NRG3: variants seen among roughly 807,000 people sequenced by gnomAD.
The protein encoded by NRG3 is pro-neuregulin-3, membrane-bound isoform.
NRG3 carries 31 observed loss-of-function variants against 66.9 expected under a neutral mutation model. That is an observed-to-expected ratio of 0.46 (90% CI 0.35 to 0.63). NRG3 has a LOEUF of 0.63. Among genes scored for constraint, NRG3 ranks in the 20% least tolerant of loss-of-function variants. NRG3 has a pLI of 0.00. For missense variants in NRG3, 910 were observed against 878.9 expected (o/e 1.04, Z -0.45); for synonymous variants, 393 against 359.4 (o/e 1.09, Z -1.06).
At chr10:82,108,042 A>T (rs891908559) in intron 1 of NRG3, among the ~76,000 whole-genome samples, 2 of 152,194 alleles carry the variant, frequency 1.3e-5, no homozygotes, top group African/African-American at 4.8e-5. Flanking sequence ...TTTTCTGTGC[A>T]TGGGCTTCCT....
chr10:82,101,639 A>G (rs889420076), intron 1 of NRG3, among the ~76,000 whole-genome samples: 1 of 151,796 alleles, frequency 6.6e-6, no homozygotes, highest in Admixed American at 6.6e-5. Flanking sequence ...GGAATCACCA[A>G]TGATTTTTAT....
At chr10:82,024,942 T>C (rs1209476247) in intron 1 of NRG3, among the ~76,000 whole-genome samples, 1 of 152,068 alleles carries the variant, frequency 6.6e-6, no homozygotes, top group Non-Finnish European at 1.5e-5. Flanking sequence ...GGAGCTTCCT[T>C]GATCAGCCTG....
intron 2 of NRG3, among the ~76,000 whole-genome samples, chr10:82,431,038 C>T (rs1355791773): frequency 2.0e-5 from 3 of 152,098 alleles, no homozygotes; most frequent in Non-Finnish European, 4.4e-5. Context: ...TTCAAAGTTC[C>T]TTATTTTCCT....
intron 1 of NRG3, among the ~76,000 whole-genome samples, chr10:82,258,028 T>C (rs1415887014): frequency 6.6e-6 from 1 of 152,178 alleles, no homozygotes; most frequent in African/African-American, 2.4e-5. Flanking sequence ...TCCCCATTTA[T>C]TTCCCAGATA....
At chr10:82,216,573 G>T (rs115281514) in intron 1 of NRG3, among the ~76,000 whole-genome samples, 8,085 of 119,160 alleles carry the variant, frequency 0.068, 265 homozygotes, top group African/African-American at 0.12. Context: ...TATATATCTG[G>T]GTGTGTGTGT....
intron 4 of NRG3, among the ~76,000 whole-genome samples, chr10:82,894,506 A>C (rs577525594): frequency 6.6e-6 from 1 of 152,284 alleles, no homozygotes; most frequent in South Asian, 2.1e-4. Flanking sequence ...TGTCATCCGT[A>C]ATACCAATTT....
intron 4 of NRG3, among the ~76,000 whole-genome samples, chr10:82,884,902 T>C (rs1842605096): frequency 6.6e-6 from 1 of 152,200 alleles, no homozygotes; most frequent in Non-Finnish European, 1.5e-5. Flanking sequence ...CAAAAAATAT[T>C]GATTCTGTCT....
rs922174810 is a variant in NRG3 at position 82,336,644 on chromosome 10, T to C, written c.824-22095T>C. The stretch of plus-strand genomic sequence containing the variant: ...TTCAAGCGATTCTCCTGCCTCAGCC[T>C]CCCAAGTAGCTGGGATTACAGGTGC... On this transcript the variant is annotated intron_variant, in intron 1 of 8. Transcript: ENST00000372141. Among the ~76,000 whole-genome samples, 5 of 151,654 alleles carry C rather than the reference T, an allele frequency of 3.3e-5. No homozygotes were observed. The South Asian group carries it at 1.1e-3, about 32-fold the overall frequency.
At chr10:82,199,598 T>TA (rs2074660712) in intron 1 of NRG3, among the ~76,000 whole-genome samples, 1 of 152,246 alleles carries the variant, frequency 6.6e-6, no homozygotes, top group Admixed American at 6.5e-5. Flanking sequence ...GCAGTTTATG[T>TA]AAAACGTTGA....
At chr10:81,903,019 G>C (rs1189385531) in intron 1 of NRG3, among the ~76,000 whole-genome samples, 1 of 152,058 alleles carries the variant, frequency 6.6e-6, no homozygotes, top group Non-Finnish European at 1.5e-5. Context: ...AAGGAAACCT[G>C]AAGTGAACGA....
chr10:82,278,514 A>T (rs2078969697), intron 1 of NRG3, among the ~76,000 whole-genome samples: 1 of 152,102 alleles, frequency 6.6e-6, no homozygotes. Context: ...TGGCAGGATG[A>T]TTTCTGTCAA....
chr10:81,968,796 C>T (rs1034544592), intron 1 of NRG3, among the ~76,000 whole-genome samples: 1 of 152,156 alleles, frequency 6.6e-6, no homozygotes, highest in Non-Finnish European at 1.5e-5. Context: ...ATTTTTGACT[C>T]CAGCATCTCT....
At chr10:82,931,274 T>C (rs1291976335) in intron 4 of NRG3, among the ~76,000 whole-genome samples, 2 of 152,210 alleles carry the variant, frequency 1.3e-5, no homozygotes, top group East Asian at 1.9e-4. Flanking sequence ...CCATCCTTTA[T>C]TGATAAAATA....
intron 1 of NRG3, among the ~76,000 whole-genome samples, chr10:81,927,351 C>T (rs1159287956): frequency 6.6e-6 from 1 of 152,020 alleles, no homozygotes; most frequent in East Asian, 1.9e-4. Context: ...TAAATATCCA[C>T]CTCTGAGAAC....
chr10:82,849,044 ATTACC>A (rs1224204842), intron 3 of NRG3, among the ~76,000 whole-genome samples: 4 of 152,156 alleles, frequency 2.6e-5, no homozygotes, highest in African/African-American at 9.7e-5. Flanking sequence ...AGTAACTCCA[ATTACC>A]TTATTTGGAG....
chr10:82,083,631 C>G (rs1308180944), intron 1 of NRG3, among the ~76,000 whole-genome samples: 4 of 138,558 alleles, frequency 2.9e-5, no homozygotes, highest in Non-Finnish European at 6.1e-5. Context: ...GAGTTTCGCT[C>G]TTGTCCAGGC....
chr10:82,762,306 A>G (rs12250889), intron 3 of NRG3, among the ~76,000 whole-genome samples: 2,406 of 152,174 alleles, frequency 0.016, 67 homozygotes, highest in African/African-American at 0.053. Flanking sequence ...AAATTTTCCA[A>G]TTTCCATTAT....
chr10:82,506,743 G>A (rs1167380185), intron 2 of NRG3, among the ~76,000 whole-genome samples: 1 of 152,050 alleles, frequency 6.6e-6, no homozygotes, highest in African/African-American at 2.4e-5. Flanking sequence ...AATTTTTTAT[G>A]CATTACACTA....
rs531249883 is a variant in NRG3, at chr10:82,637,566, T to C, written c.954-101011T>C. Among the ~76,000 whole-genome samples, 3 of 152,272 alleles carry C rather than the reference T, an allele frequency of 2.0e-5. No individual in the cohort carries two copies. In the East Asian group the frequency reaches 5.8e-4, roughly 29 times the overall value. Reference sequence around the variant, plus strand: ...GAAGAATGAGACATCACATCAATAATGTGTAACCTGTATCTAATTATGAGG... The same window carrying C: ...GAAGAATGAGACATCACATCAATAACGTGTAACCTGTATCTAATTATGAGG... On this transcript the variant is annotated intron_variant, in intron 2 of 8. Coordinates refer to ENST00000372141, the MANE Select transcript of NRG3 (RefSeq NM_001010848.4).
Sources: allele counts gnomAD v4.1 joint callset (sites outside exome capture counted in the v4.1 genomes callset), GRCh38; gene constraint gnomAD v4.1.1; transcripts MANE v1.5; gene names NCBI Gene and HGNC (gene_info 2026-07-23, HGNC 2026-07-21).